MYO7B: variants seen among roughly 807,000 people sequenced by gnomAD.
MYO7B encodes unconventional myosin-VIIb.
MYO7B carries 212 observed loss-of-function variants against 259.7 expected under a neutral mutation model. The ratio of observed to expected loss-of-function variants is 0.82; its 90% CI spans 0.73 to 0.91. The LOEUF (loss-of-function observed/expected upper bound fraction) is 0.91, where lower values mean the gene tolerates loss of function less well. MYO7B is among the 40% of genes least tolerant of loss of function. MYO7B has a pLI of 0.00. For missense variants in MYO7B, 2,732 were observed against 2,813.5 expected (o/e 0.97, Z 0.66); for synonymous variants, 1,197 against 1,166.4 (o/e 1.03, Z -0.54).
In MYO7B at chr2:127,635,761, CG is replaced by C. The variant is rs1558857168; in HGVS notation, c.5863del (p.Glu1955ArgfsTer29). On this transcript the variant is annotated frameshift_variant, in exon 44 of 48. Transcript: ENST00000409816. LOFTEE classifies it high-confidence loss of function. ...CCTGCGCGGATTCCACAAGTGTTCG[CG>C]GGAGGATGCCATCCACCTGGCGGGC... ...KYLRGFHKCS[R>X]EDAIHLAGLI... 6.2e-7 allele frequency: 1 copy of C among 1,602,942 alleles called. No homozygotes were observed. The highest frequency in any genetic ancestry group is 8.5e-7 in the Non-Finnish European group (1 of 1,174,932).
intron 1 of MYO7B, among the ~76,000 whole-genome samples, chr2:127,541,523 T>G (rs571583282): frequency 6.6e-6 from 1 of 152,334 alleles, no homozygotes; most frequent in South Asian, 2.1e-4. Context: ...TCAATGAGTC[T>G]GAAGGAAACA....
At chr2:127,595,725 T>C (rs1679748409) in intron 18 of MYO7B, among the ~76,000 whole-genome samples, 1 of 152,228 alleles carries the variant, frequency 6.6e-6, no homozygotes, top group African/African-American at 2.4e-5. Flanking sequence ...TCTCATTCTT[T>C]ACCCAAGAGT....
At chr2:127,551,975 C>T (rs183519286) in intron 1 of MYO7B, among the ~76,000 whole-genome samples, 47 of 152,264 alleles carry the variant, frequency 3.1e-4, no homozygotes, top group African/African-American at 1.0e-3. Context: ...GGGTGGAATA[C>T]ATCCCCAGCC....
chr2:127,635,271 T>C (rs1244018026), intron 43 of MYO7B, 45 bp downstream of exon 43: 1 of 1,532,122 alleles, frequency 6.5e-7, no homozygotes, highest in South Asian at 1.2e-5. Context: ...CACCCCCATC[T>C]TCCCACACCT....
rs573295236 is a variant in MYO7B at position 127,585,677 on chromosome 2, T to A, written c.1690+764T>A. Among the ~76,000 whole-genome samples, 1 of 152,238 alleles carries A rather than the reference T, an allele frequency of 6.6e-6. No individual in the cohort carries two copies. The highest frequency in any genetic ancestry group is 1.5e-5 in the Non-Finnish European group (1 of 68,042). On this transcript the variant is annotated intron_variant, in intron 14 of 47. Transcript: ENST00000409816. The surrounding 1 kb of genome is among the most constrained non-coding windows in gnomAD (Gnocchi z 4.3). ...CAGACTGTTTTCCAAAGCGGCTGTA[T>A]GATTTTACATTCCCACTAGCAATGT... is the stretch of plus-strand genomic sequence containing the variant.
chr2:127,632,299 C>A lies in MYO7B; in HGVS notation c.5303C>A (p.Pro1768Gln). Residue 1768 changes from proline to glutamine, a missense_variant, in exon 39 of 48, where the codon CCG (proline) becomes CAG (glutamine). By Grantham distance (76) the Pro-to-Gln change is moderately conservative. Coordinates refer to ENST00000409816, the MANE Select transcript of MYO7B (RefSeq NM_001393586.1). ...QLLWLCTGLF[P>Q]PSKGLLPHAQ... is the part of the protein sequence containing the mutation. Reference sequence around the variant, plus strand: ...CTGTGGCTGTGCACGGGCCTCTTCCCGCCCAGCAAGGGGCTGCTGCCCCAT... The same window carrying A: ...CTGTGGCTGTGCACGGGCCTCTTCCAGCCCAGCAAGGGGCTGCTGCCCCAT... The A allele has an allele frequency of 1.2e-6, 2 of 1,611,526 alleles. No individual in the cohort carries two copies. The highest frequency in any genetic ancestry group is 1.7e-6 in the Non-Finnish European group (2 of 1,179,386).
rs937241798 is a variant in MYO7B at position 127,576,607 on chromosome 2, C to A, written c.748C>A (p.Arg250=). The A allele has an allele frequency of 5.6e-6, 9 of 1,600,920 alleles. No homozygotes were observed. The highest frequency in any genetic ancestry group is 7.7e-6 in the Non-Finnish European group (9 of 1,171,112). Residue 250 remains arginine (R), a synonymous_variant, in exon 8 of 48, where the codon CGG becomes AGG. Transcript: ENST00000409816. The surrounding 1 kb of genome is among the most constrained non-coding windows in gnomAD (Gnocchi z 4.9). ...SRVCRQAPEE[R]NYHIFYCMLM... ...CCCTCCCTCCCAGGCTCCCGAGGAG[C>A]GGAACTACCATATCTTCTACTGCAT...
Position 127,588,613 on chromosome 2 carries a change from G to T in MYO7B, c.1854+58G>T, listed in dbSNP as rs577697170. Reference sequence around the variant, plus strand: ...CCCCTGATGGCTACAGGGCCAGACAGACATGTACAGGAAAGACTGTTTTAC... The same window carrying T: ...CCCCTGATGGCTACAGGGCCAGACATACATGTACAGGAAAGACTGTTTTAC... On this transcript the variant is annotated intron_variant, in intron 15 of 47. Transcript: ENST00000409816. The T allele has an allele frequency of 2.1e-5, 33 of 1,598,142 alleles. No homozygotes were observed. The South Asian group carries it at 3.6e-4, about 17-fold the overall frequency.
rs1256361017 is a variant in MYO7B, at chr2:127,633,257, G to A, written c.5406-1G>A. The A allele has an allele frequency of 6.2e-6, 10 of 1,607,818 alleles. No homozygotes were observed. The highest frequency in any genetic ancestry group is 6.8e-6 in the Non-Finnish European group (8 of 1,177,792). On this transcript the variant is annotated splice_acceptor_variant, in intron 39 of 47. Coordinates refer to ENST00000409816, the MANE Select transcript of MYO7B (RefSeq NM_001393586.1). LOFTEE classifies it high-confidence loss of function. ...CCTGCAGCACACGCTGTCCCCCTCA[G>A]GACGGGGCCCCGGAAGCAGCCCCCG...
At chr2:127,553,644 T>C (rs1226482121) in intron 1 of MYO7B, among the ~76,000 whole-genome samples, 1 of 152,226 alleles carries the variant, frequency 6.6e-6, no homozygotes, top group African/African-American at 2.4e-5. Flanking sequence ...TTATCAATTC[T>C]AGGAGCTTTT....
At position 127,542,124 on chromosome 2, in the gene MYO7B, A is replaced by G. The variant is rs74998977; in HGVS notation, c.-24+6293A>G. ...CAGAGAACATCTCGCAGGGACATAT[A>G]TCTCCGGCACTGTCAGTCACATGCT... is the stretch of plus-strand genomic sequence containing the variant. On this transcript the variant is annotated intron_variant, in intron 1 of 47. Coordinates refer to ENST00000409816, the MANE Select transcript of MYO7B (RefSeq NM_001393586.1). Among the ~76,000 whole-genome samples the G allele has an allele frequency of 9.2e-3, 1,407 of 152,314 alleles. 18 individuals are homozygous for G. Among genetic ancestry groups the G allele is most frequent in the African/African-American group, 0.033 (1,361 of 41,554 alleles).
chr2:127,632,374 G>A lies in MYO7B; in HGVS notation c.5378G>A (p.Cys1793Tyr). ...AGGGGGAAGCTGCTGGCCCCCGACT[G>A]CAGCCGCCGAATCCAGAAGGTCCTG... ...TRRGKLLAPD[C>Y]SRRIQKVLRT... is the part of the protein sequence containing the mutation. The change falls in exon 39 of 48, where the codon TGC becomes TAC. Residue 1793 changes from cysteine to tyrosine, a missense_variant. Coordinates refer to ENST00000409816, the MANE Select transcript of MYO7B (RefSeq NM_001393586.1). 2 of 1,579,466 alleles carry A rather than the reference G, an allele frequency of 1.3e-6. No homozygotes were observed. The highest frequency in any genetic ancestry group is 1.7e-6 in the Non-Finnish European group (2 of 1,162,442).
intron 3 of MYO7B, 108 bp downstream of exon 3, chr2:127,564,374 C>A (rs1678241579): frequency 2.5e-6 from 2 of 808,264 alleles, no homozygotes; most frequent in Non-Finnish European, 3.9e-6. Flanking sequence ...GCTCCAAGGC[C>A]AAGTGGGGAC....
intron 19 of MYO7B, among the ~76,000 whole-genome samples, chr2:127,601,388 G>A (rs1429302880): frequency 1.3e-5 from 2 of 152,192 alleles, no homozygotes; most frequent in Non-Finnish European, 2.9e-5. Context: ...TTCTGTCTAT[G>A]TGTTTTATCA....
rs1278489988 is a variant in MYO7B, at chr2:127,609,816, G to T, written c.3025-33G>T. On this transcript the variant is annotated intron_variant, in intron 23 of 47. Coordinates refer to ENST00000409816, the MANE Select transcript of MYO7B (RefSeq NM_001393586.1). The surrounding 1 kb of genome is among the most constrained non-coding windows in gnomAD (Gnocchi z 6.9). ...AGGAAGGGGCCATAGTCACTGATGGGTTCCCACTGGGCCTTCTGTCTTGTT... is the reference window on the plus strand; with the variant it reads ...AGGAAGGGGCCATAGTCACTGATGGTTTCCCACTGGGCCTTCTGTCTTGTT... 6.2e-7 allele frequency: 1 copy of T among 1,613,180 alleles called. No homozygotes were observed. Among genetic ancestry groups the T allele is most frequent in the South Asian group, 1.1e-5 (1 of 91,074 alleles).
intron 6 of MYO7B, among the ~76,000 whole-genome samples, chr2:127,573,704 A>C (rs773913525): frequency 6.6e-6 from 1 of 152,160 alleles, no homozygotes; most frequent in African/African-American, 2.4e-5. Context: ...TGCGTCTGCA[A>C]GCACACTCCA....
At chr2:127,602,709 G>A (rs577893503) in intron 19 of MYO7B, among the ~76,000 whole-genome samples, 2 of 152,106 alleles carry the variant, frequency 1.3e-5, no homozygotes, top group East Asian at 1.9e-4. Context: ...TCTATAAGAA[G>A]CAACTCCTGG....
intron 2 of MYO7B, among the ~76,000 whole-genome samples, chr2:127,560,535 C>T (rs145172866): frequency 5.3e-4 from 80 of 152,298 alleles, no homozygotes; most frequent in African/African-American, 1.9e-3. Flanking sequence ...AGGAGTTTTG[C>T]ATTTACTGTC....
chr2:127,635,391 G>C, intron 43 of MYO7B, 165 bp downstream of exon 43: 1 of 675,114 alleles, frequency 1.5e-6, no homozygotes, highest in Non-Finnish European at 2.5e-6. Context: ...ACCAGGAGCA[G>C]AGGGCAGCAA....
Sources: allele counts gnomAD v4.1 joint callset (sites outside exome capture counted in the v4.1 genomes callset), GRCh38; gene constraint gnomAD v4.1.1; non-coding constraint Gnocchi (gnomAD v3.1); transcripts MANE v1.5; gene names NCBI Gene and HGNC (gene_info 2026-07-23, HGNC 2026-07-21).